SYCP2L: variants seen among roughly 807,000 people sequenced by gnomAD.
SYCP2L encodes the protein synaptonemal complex protein 2 like, also known as synaptonemal complex protein 2-like.
In SYCP2L, 98 loss-of-function variants were observed where a neutral mutation model predicts 125.8. The ratio of observed to expected loss-of-function variants is 0.78; its 90% CI spans 0.66 to 0.92. The LOEUF (loss-of-function observed/expected upper bound fraction) is 0.92. Ranked by LOEUF, SYCP2L falls within the 40% of genes least tolerant of loss-of-function variation. SYCP2L has a pLI of 0.00. For synonymous variants in SYCP2L, 317 were observed against 325.4 expected (o/e 0.97, Z 0.28); for missense variants, 842 against 936.4 (o/e 0.90, Z 1.32).
rs771967274 is a variant in SYCP2L, at chr6:10,912,954, C to T, written c.1072+27C>T. The T allele has an allele frequency of 3.9e-5, 63 of 1,599,238 alleles. No individual in the cohort carries two copies. The highest frequency in any genetic ancestry group is 4.1e-5 in the Non-Finnish European group (48 of 1,170,016). Reference sequence around the variant, plus strand: ...TAATATGATACATTTAAACAACCCACGTCCAGTTCCAAATATTATTTCTGT... The same window carrying T: ...TAATATGATACATTTAAACAACCCATGTCCAGTTCCAAATATTATTTCTGT... On this transcript the variant is annotated intron_variant, in intron 14 of 29. Transcript: ENST00000283141. The surrounding 1 kb of genome is among the most constrained non-coding windows in gnomAD (Gnocchi z 4.1).
rs1781240717 is a variant in SYCP2L at position 10,942,442 on chromosome 6, TTC to T, written c.1814-11_1814-10del. ...TACTTGGCGTGTATTCACTTGAAACTTCTCTCTAATGCTCAGAGCTTCAAGAT... is the reference window on the plus strand; with the variant it reads ...TACTTGGCGTGTATTCACTTGAAACTTCTCTAATGCTCAGAGCTTCAAGAT... On this transcript the variant is annotated splice_polypyrimidine_tract_variant and intron_variant, in intron 21 of 29. Transcript: ENST00000283141. 1 of 1,535,538 alleles carries T rather than the reference TTC, an allele frequency of 6.5e-7. No homozygotes were observed. The highest frequency in any genetic ancestry group is 8.7e-7 in the Non-Finnish European group (1 of 1,144,502).
At chr6:10,931,793 C>T (rs996505499) in intron 20 of SYCP2L, among the ~76,000 whole-genome samples, 21 of 152,010 alleles carry the variant, frequency 1.4e-4, no homozygotes, top group African/African-American at 4.8e-4. Context: ...GGTGAAACTC[C>T]GTCTCTACAA....
rs41267941 is a variant in SYCP2L, at chr6:10,912,640, G to A, written c.919-33G>A. 4,820 of 1,452,020 alleles carry A rather than the reference G, an allele frequency of 3.3e-3. 12 individuals are homozygous for A. The highest frequency in any genetic ancestry group is 4.3e-3 in the Non-Finnish European group (4,464 of 1,039,022). 89.9% of individuals were successfully genotyped at this position (1,452,020 alleles called of 1,614,324 possible). Reference sequence around the variant, plus strand: ...TCTGACCCTATAGCATGATTTTTATGTGTATAAGTCATGCTGAAATGATCT... The same window carrying A: ...TCTGACCCTATAGCATGATTTTTATATGTATAAGTCATGCTGAAATGATCT... On this transcript the variant is annotated intron_variant, in intron 12 of 29. Coordinates refer to ENST00000283141, the MANE Select transcript of SYCP2L (RefSeq NM_001040274.3). The surrounding 1 kb of genome is among the most constrained non-coding windows in gnomAD (Gnocchi z 4.1).
intron 14 of SYCP2L, among the ~76,000 whole-genome samples, chr6:10,917,618 G>T (rs747768539): frequency 2.0e-5 from 3 of 152,166 alleles, no homozygotes; most frequent in Non-Finnish European, 4.4e-5. Flanking sequence ...TCTCTTAAGT[G>T]GAGCATTTAG....
chr6:10,948,138 C>T (rs181401359), intron 23 of SYCP2L, among the ~76,000 whole-genome samples: 53 of 151,998 alleles, frequency 3.5e-4, no homozygotes, highest in African/African-American at 1.2e-3. Flanking sequence ...AAATGATTAC[C>T]GTAATCAAGC....
At chr6:10,961,159 A>G in intron 26 of SYCP2L, 146 bp from the exon 27 acceptor site, 1 of 626,274 alleles carries the variant, frequency 1.6e-6, no homozygotes, top group Non-Finnish European at 2.8e-6. Flanking sequence ...GAGGGGAGGG[A>G]AGAGAAGGGA....
chr6:10,965,262 T>C (rs1041420939), intron 29 of SYCP2L, among the ~76,000 whole-genome samples: 9 of 152,108 alleles, frequency 5.9e-5, no homozygotes, highest in Admixed American at 5.2e-4. Flanking sequence ...GAGAAATAGA[T>C]TTCAGATATA....
chr6:10,902,870 A>G lies in SYCP2L; in HGVS notation c.553-5A>G. ...CTCCATGAATGTCTTCTCAATTCCAAAAAGGGCTTGAAGACTTTTAACTGC... is the reference window on the plus strand; with the variant it reads ...CTCCATGAATGTCTTCTCAATTCCAGAAAGGGCTTGAAGACTTTTAACTGC... On this transcript the variant is annotated splice_region_variant and splice_polypyrimidine_tract_variant and intron_variant, in intron 7 of 29. Transcript: ENST00000283141. The G allele has an allele frequency of 1.2e-6, 2 of 1,614,016 alleles. No individual in the cohort carries two copies. Among genetic ancestry groups the G allele is most frequent in the African/African-American group, 1.3e-5 (1 of 75,020 alleles).
In SYCP2L at chr6:10,953,044, CTA is replaced by C. The variant is rs565989068; in HGVS notation, c.1955-2071_1955-2070del. On this transcript the variant is annotated intron_variant, in intron 23 of 29. Transcript: ENST00000283141. ...GTTCTGCAGAATGGGAATGTGATCT[CTA>C]ATGAATTTTTCAGTTTATGAAAGTA... Among the ~76,000 whole-genome samples, 95 of 152,200 alleles carry C rather than the reference CTA, an allele frequency of 6.2e-4. 1 individual carries two copies. The highest frequency in any genetic ancestry group is 6.0e-4 in the Non-Finnish European group (41 of 68,000).
At chr6:10,955,716 G>A (rs974724521) in intron 24 of SYCP2L, among the ~76,000 whole-genome samples, 3 of 152,170 alleles carry the variant, frequency 2.0e-5, no homozygotes, top group Admixed American at 6.5e-5. Flanking sequence ...CAAGACTTAT[G>A]CAAGCTCTGT....
chr6:10,906,764 A>G (rs1780503154), intron 9 of SYCP2L, among the ~76,000 whole-genome samples: 1 of 151,204 alleles, frequency 6.6e-6, no homozygotes, highest in African/African-American at 2.4e-5. Context: ...CACCTGGCTA[A>G]TTTTTGTATT....
chr6:10,967,216 A>G (rs1412624956), intron 29 of SYCP2L, among the ~76,000 whole-genome samples: 1 of 152,134 alleles, frequency 6.6e-6, no homozygotes, highest in Non-Finnish European at 1.5e-5. Context: ...TTTTAATATA[A>G]GTTTTATCAA....
rs70991075 is a variant in SYCP2L, at chr6:10,931,964, C to CAA, written c.1683+489_1683+490dup. The stretch of plus-strand genomic sequence containing the variant: ...TGGGTGACAGAATGAGACCGTGTCT[C>CAA]AAAAAAAAAAAAAAAGATTGAGGGT... On this transcript the variant is annotated intron_variant, in intron 20 of 29. Transcript: ENST00000283141. Among the ~76,000 whole-genome samples, 634 of 102,596 alleles carry CAA rather than the reference C, an allele frequency of 6.2e-3. 12 individuals carry two copies. Among genetic ancestry groups the CAA allele is most frequent in the African/African-American group, 0.019 (475 of 25,390 alleles). The allele number at this position is 102,596 out of a possible 152,430, so 67.3% of individuals were successfully genotyped here. A position where few individuals can be genotyped will look rare whatever the true frequency, so the allele number is the denominator to read the frequency against.
intron 22 of SYCP2L, 58 bp downstream of exon 22, chr6:10,942,587 TA>T: frequency 6.3e-7 from 1 of 1,575,640 alleles, no homozygotes; most frequent in Non-Finnish European, 8.7e-7. Flanking sequence ...CATATTTGCA[TA>T]ACACATTGGC....
chr6:10,929,533 A>G (rs2113354483), intron 18 of SYCP2L, among the ~76,000 whole-genome samples: 1 of 152,368 alleles, frequency 6.6e-6, no homozygotes, highest in South Asian at 2.1e-4. Context: ...AAAAATATAA[A>G]TATCAAAGTA....
At chr6:10,906,834 G>A (rs542617186) in intron 9 of SYCP2L, among the ~76,000 whole-genome samples, 109 of 151,692 alleles carry the variant, frequency 7.2e-4, no homozygotes, top group African/African-American at 2.6e-3. Context: ...CCTGACCTCC[G>A]GTGATCCTCC....
At chr6:10,930,658 A>G (rs1397028867) in intron 19 of SYCP2L, 144 bp downstream of exon 19, 43 of 880,582 alleles carry the variant, frequency 4.9e-5, no homozygotes, top group Non-Finnish European at 7.2e-5. Flanking sequence ...TACACTGGAA[A>G]GGCAAAATGT....
intron 26 of SYCP2L, among the ~76,000 whole-genome samples, 174 bp downstream of exon 26, chr6:10,959,049 G>C (rs1278507805): frequency 1.3e-5 from 2 of 152,172 alleles, no homozygotes. Context: ...AAAAGGGTTT[G>C]AACTAAATGT....
chr6:10,897,664 G>T (rs971644171), intron 4 of SYCP2L, among the ~76,000 whole-genome samples: 1 of 152,060 alleles, frequency 6.6e-6, no homozygotes, highest in Admixed American at 6.6e-5. Flanking sequence ...CACCTGTCTC[G>T]GCCTCTCAAA....
Sources: allele counts gnomAD v4.1 joint callset (sites outside exome capture counted in the v4.1 genomes callset), GRCh38; gene constraint gnomAD v4.1.1; non-coding constraint Gnocchi (gnomAD v3.1); transcripts MANE v1.5; gene names NCBI Gene and HGNC (gene_info 2026-07-23, HGNC 2026-07-21).